GTF3C3: variants seen among roughly 807,000 people sequenced by gnomAD.
GTF3C3 encodes the protein general transcription factor IIIC subunit 3, also known as general transcription factor 3C polypeptide 3.
A neutral mutation model predicts 105.2 loss-of-function variants in GTF3C3; 75 were observed. That is an observed-to-expected ratio of 0.71 (90% CI 0.59 to 0.86). The LOEUF is 0.86. Among genes scored for constraint, GTF3C3 ranks in the 40% least tolerant of loss-of-function variants. The pLI is 0.00. For synonymous variants in GTF3C3, 335 were observed against 370.4 expected, an observed-to-expected ratio of 0.90 and a Z score of 1.10; for missense variants, 856 against 1,076.5, an observed-to-expected ratio of 0.80 and a Z score of 2.87.
chr2:196,791,304 T>C, intron 4 of GTF3C3, 33 bp downstream of exon 4: 1 of 1,610,482 alleles, frequency 6.2e-7, no homozygotes, highest in Non-Finnish European at 8.5e-7. Flanking sequence ...ACTATTAAAC[T>C]GCTATTATTA....
Position 196,799,643 on chromosome 2 carries a change from A to G in GTF3C3, c.-32T>C. ...AGGGTCTGTCTGTGCAACCCCAGGAACCGGGACAGAGAACCGGAAGAGCAG... is the reference window on the plus strand; with the variant it reads ...AGGGTCTGTCTGTGCAACCCCAGGAGCCGGGACAGAGAACCGGAAGAGCAG... On this transcript the variant is annotated 5_prime_UTR_variant, in exon 1 of 18. Coordinates refer to ENST00000263956, the MANE Select transcript of GTF3C3 (RefSeq NM_012086.5). The G allele has an allele frequency of 2.7e-6, 4 of 1,491,248 alleles. No individual in the cohort carries two copies. Among genetic ancestry groups the G allele is most frequent in the South Asian group, 1.1e-5 (1 of 88,328 alleles). The allele number at this position is 1,491,248 out of a possible 1,614,324, so 92.4% of individuals were successfully genotyped here.
chr2:196,769,397 T>C (rs1202263341), intron 16 of GTF3C3, among the ~76,000 whole-genome samples: 1 of 152,182 alleles, frequency 6.6e-6, no homozygotes, highest in African/African-American at 2.4e-5. Context: ...GGCAAAGTAG[T>C]GAACAATATT....
chr2:196,781,342 G>GAAAAAAAAAAAAAA (rs769914255), intron 8 of GTF3C3, among the ~76,000 whole-genome samples: 18 of 31,444 alleles, frequency 5.7e-4, no homozygotes, highest in Non-Finnish European at 6.6e-4. Flanking sequence ...ATGTTAAGGG[G>GAAAAAAAAAAAAAA]AAAAAAAAAA....
chr2:196,767,350 A>G (rs994071816), intron 16 of GTF3C3, among the ~76,000 whole-genome samples: 7 of 152,194 alleles, frequency 4.6e-5, no homozygotes, highest in Admixed American at 1.3e-4. Context: ...ACCTCTTCCC[A>G]TATTCACTTT....
chr2:196,789,848 A>G (rs755274088), intron 5 of GTF3C3, 31 bp downstream of exon 5: 1 of 1,367,400 alleles, frequency 7.3e-7, no homozygotes, highest in Admixed American at 2.3e-5. Flanking sequence ...AACAGCTTGT[A>G]AAAGTGAAAA....
In GTF3C3 at chr2:196,776,716, G is replaced by T; in HGVS notation, c.1391-87C>A. ...ACTCTTCCATTTTAAAAGAAATATA[G>T]CAATATAAAAAATTATAACAAGAAA... On this transcript the variant is annotated intron_variant, in intron 10 of 17. Transcript: ENST00000263956. The surrounding 1 kb of genome is among the most constrained non-coding windows in gnomAD (Gnocchi z 4.5). The T allele has an allele frequency of 3.5e-6, 3 of 864,436 alleles. No homozygotes were observed. Among genetic ancestry groups the T allele is most frequent in the Admixed American group, 2.4e-5 (1 of 41,192 alleles). The allele number at this position is 864,436 out of a possible 1,614,324, so 53.5% of individuals were successfully genotyped here. A position where few individuals can be genotyped will look rare whatever the true frequency, so the allele number is the denominator to read the frequency against.
chr2:196,772,677 T>C (rs1699193473), intron 14 of GTF3C3, among the ~76,000 whole-genome samples: 3 of 152,186 alleles, frequency 2.0e-5, no homozygotes, highest in African/African-American at 7.2e-5. Flanking sequence ...GTGGGAAGAC[T>C]GTGGCACTAG....
At position 196,763,507 on chromosome 2, in the gene GTF3C3, T is replaced by C. The variant is rs564051456; in HGVS notation, c.*1056A>G. On this transcript the variant is annotated 3_prime_UTR_variant, in exon 18 of 18. Transcript: ENST00000263956. ...TAAATTATACACATGGAGTATACAA[T>C]ATATTTACTTATTGCATACAAATTC... The C allele has an allele frequency of 7.9e-5, 12 of 152,346 alleles. No homozygotes were observed. The highest frequency in any genetic ancestry group is 2.4e-4 in the African/African-American group (10 of 41,578). 9.4% of individuals were successfully genotyped at this position (152,346 alleles called of 1,614,324 possible).
intron 6 of GTF3C3, among the ~76,000 whole-genome samples, chr2:196,785,832 C>T (rs1039462150): frequency 1.3e-5 from 2 of 152,108 alleles, no homozygotes; most frequent in Non-Finnish European, 2.9e-5. Context: ...CAGCTCATTC[C>T]CTATGTAATC....
chr2:196,780,711 G>A, intron 8 of GTF3C3, 49 bp from the exon 9 acceptor site: 1 of 1,571,486 alleles, frequency 6.4e-7, no homozygotes, highest in South Asian at 1.2e-5. Flanking sequence ...AGCTTGAGAT[G>A]TGTATCTTCT....
chr2:196,791,589 C>T (rs1699550011), intron 3 of GTF3C3, 129 bp from the exon 4 acceptor site: 1 of 707,982 alleles, frequency 1.4e-6, no homozygotes, highest in African/African-American at 1.8e-5. Flanking sequence ...GTTTTTGCAA[C>T]CCAGAACTAA....
Position 196,791,338 on chromosome 2 carries a change from T to A in GTF3C3, c.534A>T (p.Gln178His). Residue 178 changes from glutamine to histidine, a missense_variant and splice_region_variant, in exon 4 of 18, where the codon CAA becomes CAT. Gln to His is a conservative substitution (Grantham distance 24, BLOSUM62 0). Around this residue, in one of 3 missense-constraint regions of GTF3C3, gnomAD observed 605 missense variants for 833.6 expected, o/e 0.73. Transcript: ENST00000263956. ...TAACAAAGTCCCCACAGAAAACACC[T>A]TGTCTTATGATTTCCATGCACATCA... ...AILMCMEIIRQAPLAYEPFST... is the reference protein window; with the variant it reads ...AILMCMEIIRHAPLAYEPFST... 1 of 1,613,960 alleles carries A rather than the reference T, an allele frequency of 6.2e-7. No individual in the cohort carries two copies. Among genetic ancestry groups the A allele is most frequent in the Non-Finnish European group, 8.5e-7 (1 of 1,179,900 alleles).
chr2:196,798,366 A>T (rs561794358), intron 1 of GTF3C3, among the ~76,000 whole-genome samples: 2 of 151,174 alleles, frequency 1.3e-5, no homozygotes, highest in East Asian at 3.9e-4. Context: ...CTCTACAAAA[A>T]ATACAAAAAT....
At chr2:196,769,570 A>AT (rs902248643) in intron 16 of GTF3C3, among the ~76,000 whole-genome samples, 18 of 150,830 alleles carry the variant, frequency 1.2e-4, no homozygotes, top group Admixed American at 6.0e-4. Flanking sequence ...TTATTGTATA[A>AT]TTTTTTTTTT....
At position 196,786,790 on chromosome 2, in the gene GTF3C3, C is replaced by T. The variant is rs1699459348; in HGVS notation, c.894-1202G>A. 6.6e-6 allele frequency among the ~76,000 whole-genome samples: 1 copy of T among 151,906 alleles called. No homozygotes were observed. Among genetic ancestry groups the T allele is most frequent in the African/African-American group, 2.4e-5 (1 of 41,254 alleles). On this transcript the variant is annotated intron_variant, in intron 6 of 17. Coordinates refer to ENST00000263956, the MANE Select transcript of GTF3C3 (RefSeq NM_012086.5). This position sits in a 1 kb window ranked among gnomAD's most constrained non-coding sequence, Gnocchi z 4.2. ...ACCGTCTCCAATGCCTCTTTCCATT[C>T]TCTTTTTAACCTAATCCAATCAACT...
chr2:196,795,588 C>A (rs924085141), intron 2 of GTF3C3, among the ~76,000 whole-genome samples: 4 of 152,108 alleles, frequency 2.6e-5, no homozygotes, highest in Admixed American at 6.5e-5. Flanking sequence ...CCTGATAGAA[C>A]GAAGCATTTG....
chr2:196,799,502 C>T lies in GTF3C3; in HGVS notation c.102+8G>A, dbSNP rs756289832. The stretch of plus-strand genomic sequence containing the variant: ...AGTGAAGGGCACCGTGGCCTAGCAT[C>T]GCCTCACTTTCTTCTCGCGGGTTTT... On this transcript the variant is annotated splice_region_variant and intron_variant, in intron 1 of 17. Coordinates refer to ENST00000263956, the MANE Select transcript of GTF3C3 (RefSeq NM_012086.5). 2.6e-5 allele frequency: 42 copies of T among 1,608,374 alleles called. No individual in the cohort carries two copies. The highest frequency in any genetic ancestry group is 3.6e-5 in the Non-Finnish European group (42 of 1,174,810).
Position 196,764,332 on chromosome 2 carries a change from T to G in GTF3C3, c.*231A>C, listed in dbSNP as rs182338613. On this transcript the variant is annotated 3_prime_UTR_variant, in exon 18 of 18. Transcript: ENST00000263956. ...ACGTCCATTTCAACATTGGGAACAATTCACTATAGAATGTGAAAGGAAAAT... is the reference window on the plus strand; with the variant it reads ...ACGTCCATTTCAACATTGGGAACAAGTCACTATAGAATGTGAAAGGAAAAT... 1.1e-5 allele frequency: 4 copies of G among 369,934 alleles called. No individual in the cohort carries two copies. Among genetic ancestry groups the G allele is most frequent in the Non-Finnish European group, 2.0e-5 (4 of 204,646 alleles). The allele number at this position is 369,934 out of a possible 1,614,324, so 22.9% of individuals were successfully genotyped here. A position where few individuals can be genotyped will look rare whatever the true frequency, so the allele number is the denominator to read the frequency against.
intron 7 of GTF3C3, among the ~76,000 whole-genome samples, 168 bp from the exon 8 acceptor site, chr2:196,785,097 C>T (rs539097156): frequency 2.0e-5 from 3 of 152,146 alleles, no homozygotes; most frequent in Non-Finnish European, 4.4e-5. Context: ...ATTTTAATAT[C>T]CTATTAACTA....
Sources: gnomAD v4.1 joint callset for allele counts (sites outside exome capture counted in the v4.1 genomes callset) on GRCh38, gnomAD v4.1.1 for gene constraint, gnomAD v4.1.1 regional missense constraint, Gnocchi (gnomAD v3.1) non-coding constraint, MANE v1.5 for transcripts, NCBI Gene and HGNC (gene_info 2026-07-23, HGNC 2026-07-21) for gene names.